DOK6: variants seen among roughly 807,000 people sequenced by gnomAD.
DOK6 encodes downstream of tyrosine kinase 6.
A neutral mutation model predicts 44.0 loss-of-function variants in DOK6; 22 were observed. The observed-to-expected ratio is 0.50, with a 90% CI of 0.36 to 0.71. DOK6 has a LOEUF of 0.71. DOK6 is among the 30% of genes least tolerant of loss of function. The probability of loss-of-function intolerance (pLI) is 0.00; values close to 1 mark genes in which losing one functional copy is unlikely to be tolerated. For synonymous variants in DOK6, 166 were observed against 145.5 expected (o/e 1.14, Z -1.01); for missense variants, 340 against 416.4 (o/e 0.82, Z 1.60).
intron 1 of DOK6, among the ~76,000 whole-genome samples, chr18:69,554,973 G>T (rs1599189199): frequency 1.3e-5 from 2 of 152,130 alleles, no homozygotes; most frequent in South Asian, 4.2e-4. Context: ...CTTTAAAACT[G>T]GATTGTCTGT....
At chr18:69,826,881 T>C (rs934667330) in intron 7 of DOK6, among the ~76,000 whole-genome samples, 3 of 152,192 alleles carry the variant, frequency 2.0e-5, no homozygotes, top group Admixed American at 1.3e-4. Flanking sequence ...CCCATTCTTA[T>C]ATAGATCTGT....
At chr18:69,572,585 G>C (rs1983139702) in intron 2 of DOK6, among the ~76,000 whole-genome samples, 1 of 151,866 alleles carries the variant, frequency 6.6e-6, no homozygotes, top group African/African-American at 2.4e-5. Context: ...AAATGTCCTT[G>C]GGAAAGACAG....
chr18:69,662,235 CTCCCGCA>C, intron 3 of DOK6: 1 of 152,476 alleles, frequency 6.6e-6, no homozygotes, highest in Admixed American at 6.5e-5. Context: ...CTGCCCTGGT[CTCCCGCA>C]GTGCTGGGAT....
rs1984067287 is a variant in DOK6 at position 69,608,931 on chromosome 18, C to T, written c.289+9433C>T. 4.1e-5 allele frequency among the ~76,000 whole-genome samples: 5 copies of T among 121,790 alleles called. No homozygotes were observed. The South Asian group carries it at 1.5e-3, about 36-fold the overall frequency. 79.9% of individuals were successfully genotyped at this position (121,790 alleles called of 152,430 possible). On this transcript the variant is annotated intron_variant, in intron 3 of 7. Transcript: ENST00000382713. Reference sequence around the variant, plus strand: ...CGCCACTGCCTTCTATCCTGAGCAACAGAGCAAGACTCTGTCTCAAAAAAA... The same window carrying T: ...CGCCACTGCCTTCTATCCTGAGCAATAGAGCAAGACTCTGTCTCAAAAAAA...
Position 69,791,244 on chromosome 18 carries a change from T to A in DOK6, c.856+33371T>A, listed in dbSNP as rs544351554. 6.6e-5 allele frequency among the ~76,000 whole-genome samples: 10 copies of A among 152,344 alleles called. No homozygotes were observed. The South Asian group carries it at 2.1e-3, about 32-fold the overall frequency. On this transcript the variant is annotated intron_variant, in intron 7 of 7. Coordinates refer to ENST00000382713, the MANE Select transcript of DOK6 (RefSeq NM_152721.6). ...TTCAGCTATCTCTTCAATACACTTA[T>A]TTCTTTTCTTTTGGGAATATACCTA... is the stretch of plus-strand genomic sequence containing the variant.
chr18:69,489,763 C>T (rs1980683369), intron 1 of DOK6, among the ~76,000 whole-genome samples: 1 of 152,030 alleles, frequency 6.6e-6, no homozygotes, highest in Non-Finnish European at 1.5e-5. Context: ...TGGCCATACA[C>T]GATTTGGTAT....
At chr18:69,613,128 C>G (rs1984202848) in intron 3 of DOK6, among the ~76,000 whole-genome samples, 1 of 152,218 alleles carries the variant, frequency 6.6e-6, no homozygotes, top group South Asian at 2.1e-4. Context: ...GTCTCGGCCT[C>G]TCAAAGTGCT....
At chr18:69,830,980 T>C (rs1453171736) in intron 7 of DOK6, among the ~76,000 whole-genome samples, 1 of 152,068 alleles carries the variant, frequency 6.6e-6, no homozygotes, top group Non-Finnish European at 1.5e-5. Flanking sequence ...TGAGTAAGGG[T>C]TTTCCAGAGA....
chr18:69,710,251 T>C lies in DOK6; in HGVS notation c.599+11658T>C, dbSNP rs373221258. On this transcript the variant is annotated intron_variant, in intron 5 of 7. Transcript: ENST00000382713. ...TGTAAATGAAGCAGATCAGAAGAGG[T>C]TTAACAAAACTTAAAGGGGAAAAAA... Among the ~76,000 whole-genome samples the C allele has an allele frequency of 3.2e-3, 485 of 152,188 alleles. 3 individuals carry two copies. Among genetic ancestry groups the C allele is most frequent in the South Asian group, 0.014 (67 of 4,826 alleles).
rs1979045351 is a variant in DOK6, at chr18:69,748,034, T to C, written c.738+8931T>C. On this transcript the variant is annotated intron_variant, in intron 6 of 7. Transcript: ENST00000382713. The stretch of plus-strand genomic sequence containing the variant: ...TGCAAAGACACACATAGACTCAAAA[T>C]AAAAGGGTGGAGGAAAATTTACCAA... 3.3e-5 allele frequency among the ~76,000 whole-genome samples: 5 copies of C among 151,380 alleles called. 1 individual carries two copies. In the South Asian group the frequency reaches 1.1e-3, roughly 32 times the overall value.
At chr18:69,663,580 G>C (rs1004160675) in intron 3 of DOK6, among the ~76,000 whole-genome samples, 1 of 152,190 alleles carries the variant, frequency 6.6e-6, no homozygotes, top group Non-Finnish European at 1.5e-5. Flanking sequence ...ACTGTTAATT[G>C]GGAAAATGTT....
intron 7 of DOK6, among the ~76,000 whole-genome samples, chr18:69,786,996 A>C (rs925536179): frequency 2.0e-5 from 3 of 152,196 alleles, no homozygotes; most frequent in African/African-American, 7.2e-5. Flanking sequence ...CAGGCAGATC[A>C]CTTGAGGTCA....
In DOK6 at chr18:69,599,495, T is replaced by A. The variant is rs746200505; in HGVS notation, c.286T>A (p.Ser96Thr). 1.2e-6 allele frequency: 2 copies of A among 1,612,980 alleles called. No homozygotes were observed. Among genetic ancestry groups the A allele is most frequent in the Admixed American group, 3.3e-5 (2 of 59,894 alleles). The change falls in exon 3 of 8, where the codon TCA becomes ACA. Residue 96 changes from serine (S) to threonine (T), a missense_variant. This residue lies in a region of DOK6 where 206 missense variants were observed against 258.6 expected (regional missense o/e 0.80). Coordinates refer to ENST00000382713, the MANE Select transcript of DOK6 (RefSeq NM_152721.6). The part of the protein sequence containing the change: ...DETSKTFACE[S>T]ELEAEEWCKH... ...AACATCGAAGACATTTGCCTGTGAG[T>A]CAGGTAAGCTATTATTGGCCATCTA...
At chr18:69,443,951 AC>A (rs1979207877) in intron 1 of DOK6, among the ~76,000 whole-genome samples, 1 of 151,926 alleles carries the variant, frequency 6.6e-6, no homozygotes, top group Non-Finnish European at 1.5e-5. Context: ...AAACATATGT[AC>A]ACACACATAA....
At chr18:69,487,435 C>T (rs185394070) in intron 1 of DOK6, among the ~76,000 whole-genome samples, 1 of 152,128 alleles carries the variant, frequency 6.6e-6, no homozygotes. Flanking sequence ...AAAATCTGCC[C>T]CCAGTGTGTG....
chr18:69,578,430 A>G (rs1223120064), intron 2 of DOK6, among the ~76,000 whole-genome samples: 1 of 152,176 alleles, frequency 6.6e-6, no homozygotes, highest in African/African-American at 2.4e-5. Flanking sequence ...AAAATAATTC[A>G]TATCAACTTT....
At chr18:69,805,261 C>G (rs1599335077) in intron 7 of DOK6, among the ~76,000 whole-genome samples, 1 of 152,042 alleles carries the variant, frequency 6.6e-6, no homozygotes, top group East Asian at 1.9e-4. Context: ...TTTTTTATCT[C>G]AAAGGGTAAA....
intron 1 of DOK6, chr18:69,469,724 A>G (rs1011292336): frequency 5.4e-5 from 15 of 280,300 alleles, no homozygotes; most frequent in South Asian, 4.4e-4. Context: ...GGCCAAGAAC[A>G]TGAGAGGGCA....
intron 7 of DOK6, among the ~76,000 whole-genome samples, chr18:69,828,452 C>T (rs1285822956): frequency 6.6e-6 from 1 of 151,718 alleles, no homozygotes; most frequent in Non-Finnish European, 1.5e-5. Flanking sequence ...AAATTAATAT[C>T]TCACTAGGTA....
Sources: gnomAD v4.1 joint callset for allele counts (sites outside exome capture counted in the v4.1 genomes callset) on GRCh38, gnomAD v4.1.1 for gene constraint, gnomAD v4.1.1 regional missense constraint, MANE v1.5 for transcripts, NCBI Gene and HGNC (gene_info 2026-07-23, HGNC 2026-07-21) for gene names.